Variants in SGK2 observed in about 807,000 individuals in gnomAD.
The protein encoded by SGK2 is serum/glucocorticoid regulated kinase 2.
SGK2 carries 36 observed loss-of-function variants against 47.5 expected under a neutral mutation model. The observed-to-expected ratio is 0.76, with a 90% CI of 0.58 to 1.00. The LOEUF is 1.00. SGK2 is among the 50% of genes least tolerant of loss of function. SGK2 has a pLI of 0.00. For missense variants in SGK2, 404 were observed against 467.4 expected, an observed-to-expected ratio of 0.86 and a Z score of 1.25; for synonymous variants, 157 against 181.9, an observed-to-expected ratio of 0.86 and a Z score of 1.10.
intron 1 of SGK2, among the ~76,000 whole-genome samples, chr20:43,560,553 G>C (rs943936815): frequency 3.3e-5 from 5 of 151,588 alleles, no homozygotes; most frequent in Admixed American, 2.6e-4. Context: ...CTGTGACCTT[G>C]GGTCATGACC....
intron 12 of SGK2, 62 bp from the exon 13 acceptor site, chr20:43,584,790 C>G: frequency 7.1e-7 from 1 of 1,402,550 alleles, no homozygotes; most frequent in Non-Finnish European, 1.0e-6. Flanking sequence ...CTCTGAGGAT[C>G]TGGGCTCCTT....
intron 12 of SGK2, chr20:43,583,595 C>T: frequency 1.0e-6 from 1 of 985,436 alleles, no homozygotes; most frequent in South Asian, 4.7e-5. Flanking sequence ...CTTCATAAAA[C>T]CCAGGCCTCC....
rs1980540143 is a variant in SGK2, at chr20:43,577,562, G to A, written c.849+1183G>A. Among the ~76,000 whole-genome samples the A allele has an allele frequency of 3.3e-5, 5 of 150,944 alleles. No individual in the cohort carries two copies. The South Asian group carries it at 1.0e-3, about 32-fold the overall frequency. ...AGACGGGGTTTCACCAAGTTGGCCA[G>A]ATGGTCTCGATCTTTTGACCTTGTG... On this transcript the variant is annotated intron_variant, in intron 11 of 12. Transcript: ENST00000373100.
chr20:43,570,181 C>T (rs1013067547), intron 6 of SGK2, among the ~76,000 whole-genome samples: 1 of 152,168 alleles, frequency 6.6e-6, no homozygotes, highest in Non-Finnish European at 1.5e-5. Flanking sequence ...ATCATCATAT[C>T]GCCTGGATTG....
rs1979785075 is a variant in SGK2, at chr20:43,567,175, C to T, written c.86+58C>T. The T allele has an allele frequency of 2.8e-6, 4 of 1,404,088 alleles. No individual in the cohort carries two copies. In the South Asian group the frequency reaches 4.6e-5, roughly 16 times the overall value. 87.0% of individuals were successfully genotyped at this position (1,404,088 alleles called of 1,614,324 possible). On this transcript the variant is annotated intron_variant, in intron 3 of 12. Coordinates refer to ENST00000373100, the MANE Select transcript of SGK2 (RefSeq NM_170693.3). ...TTGACTCCCCTCATACCTGGCTCCC[C>T]TTGCCTTGGGAATAAAATCCAGATT...
Position 43,579,497 on chromosome 20 carries a change from G to T in SGK2, c.850-475G>T, listed in dbSNP as rs74475022. 3.9e-3 allele frequency among the ~76,000 whole-genome samples: 598 copies of T among 152,258 alleles called. 3 individuals carry two copies. The highest frequency in any genetic ancestry group is 0.014 in the African/African-American group (579 of 41,538). ...TGACCAGGGCTGAGTCCTAAAATCT[G>T]GGTGTCTGGGAATCTGAAGGTCTTC... On this transcript the variant is annotated intron_variant, in intron 11 of 12. Transcript: ENST00000373100.
chr20:43,569,250 T>G, intron 5 of SGK2, 135 bp from the exon 6 acceptor site: 1 of 1,104,832 alleles, frequency 9.1e-7, no homozygotes, highest in Non-Finnish European at 1.3e-6. Context: ...TAGGGAGCCA[T>G]TGTGGGTGTT....
At chr20:43,567,766 G>A in intron 4 of SGK2, 44 bp downstream of exon 4, 2 of 1,601,632 alleles carry the variant, frequency 1.2e-6, no homozygotes, top group Admixed American at 1.7e-5. Context: ...CTTCCCTTCT[G>A]CAGCCTCTTC....
chr20:43,579,011 C>CT (rs10523244), intron 11 of SGK2, among the ~76,000 whole-genome samples: 188 of 143,642 alleles, frequency 1.3e-3, no homozygotes, highest in Non-Finnish European at 1.7e-3. Context: ...CTTTCGGAGG[C>CT]TTTTTTTTTT....
At position 43,569,382 on chromosome 20, in the gene SGK2, C is replaced by G; in HGVS notation, c.229-3C>G. 6.2e-7 allele frequency: 1 copy of G among 1,613,806 alleles called. No individual in the cohort carries two copies. On this transcript the variant is annotated splice_region_variant and splice_polypyrimidine_tract_variant and intron_variant, in intron 5 of 12. Transcript: ENST00000373100. ...ATGGACCCCTCTCTTTGTGACTCCA[C>G]AGCAGAGCCACATCATGGCAGAGCG...
At chr20:43,561,875 G>C (rs535508267) in intron 1 of SGK2, among the ~76,000 whole-genome samples, 1 of 152,200 alleles carries the variant, frequency 6.6e-6, no homozygotes, top group Non-Finnish European at 1.5e-5. Context: ...GACAATGGGG[G>C]CTCAGGCAGG....
At chr20:43,569,586 C>T in intron 6 of SGK2, 70 bp downstream of exon 6, 1 of 1,547,578 alleles carries the variant, frequency 6.5e-7, no homozygotes, top group East Asian at 2.3e-5. Flanking sequence ...CACATGCCCA[C>T]TGCATGCCAA....
chr20:43,575,727 G>T (rs1980422709), intron 10 of SGK2, among the ~76,000 whole-genome samples: 1 of 152,086 alleles, frequency 6.6e-6, no homozygotes, highest in Non-Finnish European at 1.5e-5. Context: ...AGCATAGCTT[G>T]GTCCCTAGGA....
At chr20:43,561,318 A>G (rs1319624325) in intron 1 of SGK2, among the ~76,000 whole-genome samples, 1 of 151,960 alleles carries the variant, frequency 6.6e-6, no homozygotes, top group Non-Finnish European at 1.5e-5. Flanking sequence ...GGGGAGTGGA[A>G]GCCAAGGAGG....
intron 6 of SGK2, 77 bp downstream of exon 6, chr20:43,569,593 C>A (rs1334473901): frequency 6.5e-7 from 1 of 1,527,170 alleles, no homozygotes; most frequent in East Asian, 2.3e-5. Flanking sequence ...CCACTGCATG[C>A]CAAGTTCTGG....
At chr20:43,582,084 A>G (rs972905532) in intron 12 of SGK2, among the ~76,000 whole-genome samples, 42 of 152,300 alleles carry the variant, frequency 2.8e-4, no homozygotes, top group African/African-American at 8.9e-4. Flanking sequence ...GTCTCACTCT[A>G]TCACCCAGGC....
intron 1 of SGK2, chr20:43,565,207 CAG>C (rs1600985830): frequency 6.6e-6 from 1 of 152,308 alleles, no homozygotes; most frequent in Admixed American, 6.5e-5. Flanking sequence ...GTTGGGAGAA[CAG>C]AGAGAGGCTC....
At chr20:43,567,623 G>C in intron 3 of SGK2, 42 bp from the exon 4 acceptor site, 1 of 1,598,390 alleles carries the variant, frequency 6.3e-7, no homozygotes, top group South Asian at 1.1e-5. Context: ...CAGGTTTCCA[G>C]ACATTGCAAA....
At chr20:43,560,869 TGAACAG>T (rs986243069) in intron 1 of SGK2, among the ~76,000 whole-genome samples, 46 of 152,356 alleles carry the variant, frequency 3.0e-4, no homozygotes, top group African/African-American at 9.9e-4. Context: ...ATTCAATAGT[TGAACAG>T]GAAGTATTTG....
Sources: gnomAD v4.1 joint callset for allele counts (sites outside exome capture counted in the v4.1 genomes callset) on GRCh38, gnomAD v4.1.1 for gene constraint, MANE v1.5 for transcripts, NCBI Gene and HGNC (gene_info 2026-07-23, HGNC 2026-07-21) for gene names.